The following ARHGAP31 variants were observed in gnomAD, a reference collection of about 807,000 sequenced individuals.
The protein encoded by ARHGAP31 is Rho GTPase activating protein 31.
A neutral mutation model predicts 113.9 loss-of-function variants in ARHGAP31; 34 were observed. The observed-to-expected ratio is 0.30, with a 90% CI of 0.23 to 0.40. The LOEUF (loss-of-function observed/expected upper bound fraction) is 0.40, where lower values mean the gene tolerates loss of function less well. Ranked by LOEUF, ARHGAP31 falls within the 10% of genes least tolerant of loss-of-function variation. ARHGAP31 has a pLI of 1.00. For missense variants in ARHGAP31, 1,548 were observed against 1,767.1 expected (o/e 0.88, Z 2.22); for synonymous variants, 650 against 684.8 (o/e 0.95, Z 0.79).
chr3:119,308,023 T>G (rs2079646403), intron 1 of ARHGAP31, among the ~76,000 whole-genome samples: 1 of 145,104 alleles, frequency 6.9e-6, no homozygotes, highest in Admixed American at 7.1e-5. Context: ...ATCCACACTC[T>G]TCAGGACTGG....
chr3:119,360,267 C>A (rs568722783), intron 1 of ARHGAP31, among the ~76,000 whole-genome samples: 2 of 152,296 alleles, frequency 1.3e-5, no homozygotes, highest in South Asian at 4.1e-4. Context: ...GTGTACACAC[C>A]ACTAGACTTT....
intron 1 of ARHGAP31, among the ~76,000 whole-genome samples, chr3:119,332,744 T>C (rs1243939763): frequency 6.6e-6 from 1 of 151,588 alleles, no homozygotes; most frequent in East Asian, 1.9e-4. Context: ...GAGTGAGCCT[T>C]TTTTTGGCAG....
intron 10 of ARHGAP31, among the ~76,000 whole-genome samples, chr3:119,404,737 G>A (rs1406740427): frequency 6.6e-6 from 1 of 152,166 alleles, no homozygotes; most frequent in African/African-American, 2.4e-5. Context: ...TAGAGATACC[G>A]AGTAAGTAGT....
intron 6 of ARHGAP31, among the ~76,000 whole-genome samples, chr3:119,387,583 G>T (rs1204188300): frequency 6.6e-6 from 1 of 152,146 alleles, no homozygotes; most frequent in Non-Finnish European, 1.5e-5. Context: ...ATTTTGAGGG[G>T]ACAGAAACAT....
chr3:119,332,637 A>T (rs12638302), intron 1 of ARHGAP31, among the ~76,000 whole-genome samples: 1,370 of 60,518 alleles, frequency 0.023, 20 homozygotes, highest in South Asian at 0.11. Context: ...TCTCTCTCTC[A>T]CACACACACA....
chr3:119,306,063 C>T (rs952673036), intron 1 of ARHGAP31, among the ~76,000 whole-genome samples: 1 of 152,122 alleles, frequency 6.6e-6, no homozygotes, highest in South Asian at 2.1e-4. Flanking sequence ...ATTCAGAGTC[C>T]GAGAATTCTG....
chr3:119,382,069 C>G (rs1256971888), intron 4 of ARHGAP31, among the ~76,000 whole-genome samples: 1 of 151,692 alleles, frequency 6.6e-6, no homozygotes, highest in African/African-American at 2.4e-5. Flanking sequence ...GCTCCAGGGT[C>G]CTCTGCTTAC....
intron 1 of ARHGAP31, among the ~76,000 whole-genome samples, chr3:119,351,756 C>A (rs1475915493): frequency 6.6e-6 from 1 of 152,162 alleles, no homozygotes; most frequent in Non-Finnish European, 1.5e-5. Context: ...AGTTCACGAC[C>A]TTCTCCCCTG....
intron 8 of ARHGAP31, among the ~76,000 whole-genome samples, chr3:119,397,600 A>G (rs570060597): frequency 2.6e-5 from 4 of 152,320 alleles, no homozygotes; most frequent in African/African-American, 9.6e-5. Flanking sequence ...TTTGCAAAGG[A>G]TTTGCATGGA....
At chr3:119,297,921 C>CAA (rs2079547276) in intron 1 of ARHGAP31, among the ~76,000 whole-genome samples, 1 of 148,690 alleles carries the variant, frequency 6.7e-6, no homozygotes, top group Non-Finnish European at 1.5e-5. Flanking sequence ...CACACACACA[C>CAA]ACACACACAC....
chr3:119,318,991 A>G, intron 1 of ARHGAP31, among the ~76,000 whole-genome samples: 1 of 152,114 alleles, frequency 6.6e-6, no homozygotes, highest in Admixed American at 6.5e-5. Flanking sequence ...CAAAATAAGC[A>G]ACGCTGCTGG....
At chr3:119,307,417 G>A (rs959901027) in intron 1 of ARHGAP31, among the ~76,000 whole-genome samples, 4 of 152,072 alleles carry the variant, frequency 2.6e-5, no homozygotes, top group African/African-American at 7.3e-5. Flanking sequence ...ATGGTTCCTC[G>A]GTTATGCTAT....
rs144282231 is a variant in ARHGAP31 at position 119,327,476 on chromosome 3, C to T, written c.100+32472C>T. Among the ~76,000 whole-genome samples the T allele has an allele frequency of 1.8e-3, 279 of 152,180 alleles. 1 individual carries two copies. The highest frequency in any genetic ancestry group is 6.2e-3 in the African/African-American group (257 of 41,516). ...TGGAGAATCGCTTGAACCCAGGAGG[C>T]GGAGGTTGCAGTGAGCCGAGATCAT... On this transcript the variant is annotated intron_variant, in intron 1 of 11. Transcript: ENST00000264245.
chr3:119,297,909 A>AACACACACACAC (rs10575145), intron 1 of ARHGAP31, among the ~76,000 whole-genome samples: 121 of 142,780 alleles, frequency 8.5e-4, no homozygotes, highest in African/African-American at 2.7e-3. Flanking sequence ...TTTCCTTAGA[A>AACACACACACAC]ACACACACAC....
At chr3:119,333,159 GC>G (rs1356741073) in intron 1 of ARHGAP31, among the ~76,000 whole-genome samples, 1 of 152,098 alleles carries the variant, frequency 6.6e-6, no homozygotes, top group African/African-American at 2.4e-5. Flanking sequence ...GACCCAAACA[GC>G]CCAACCCAGC....
At chr3:119,321,755 T>C (rs2107602705) in intron 1 of ARHGAP31, among the ~76,000 whole-genome samples, 1 of 152,266 alleles carries the variant, frequency 6.6e-6, no homozygotes, top group East Asian at 1.9e-4. Context: ...CTCAAGTGAT[T>C]TTCCTGCTTC....
intron 1 of ARHGAP31, among the ~76,000 whole-genome samples, chr3:119,341,663 G>A (rs2080009179): frequency 6.6e-6 from 1 of 152,080 alleles, no homozygotes; most frequent in Non-Finnish European, 1.5e-5. Flanking sequence ...AACATGAGTA[G>A]TTGGACTTCA....
chr3:119,342,843 G>A (rs537835675), intron 1 of ARHGAP31, among the ~76,000 whole-genome samples: 1 of 152,060 alleles, frequency 6.6e-6, no homozygotes, highest in Non-Finnish European at 1.5e-5. Context: ...CCACTACTCG[G>A]GAGGCTGAGG....
chr3:119,361,669 A>T (rs1158335762), intron 1 of ARHGAP31, among the ~76,000 whole-genome samples: 1 of 152,232 alleles, frequency 6.6e-6, no homozygotes, highest in Non-Finnish European at 1.5e-5. Context: ...GGCGTGAGCC[A>T]CTGTGCCCAG....
Sources: allele counts gnomAD v4.1 joint callset (sites outside exome capture counted in the v4.1 genomes callset), GRCh38; gene constraint gnomAD v4.1.1; transcripts MANE v1.5; gene names NCBI Gene and HGNC (gene_info 2026-07-23, HGNC 2026-07-21).